The following TRMT11 variants were observed in gnomAD, a reference collection of about 807,000 sequenced individuals.
TRMT11 encodes the protein tRNA methyltransferase 11.
Under a neutral mutation model 62.8 loss-of-function variants are expected in TRMT11, and 53 were observed. That is an observed-to-expected ratio of 0.84 (90% CI 0.68 to 1.06). The LOEUF (loss-of-function observed/expected upper bound fraction) is 1.06. TRMT11 is among the 50% of genes least tolerant of loss of function. TRMT11 has a pLI of 0.00. For synonymous variants in TRMT11, 188 were observed against 190.3 expected (o/e 0.99, Z 0.10); for missense variants, 556 against 553.4 (o/e 1.00, Z -0.05).
intron 21 of TRMT11, among the ~76,000 whole-genome samples, chr6:126,117,211 G>A (rs560190841): frequency 6.6e-6 from 1 of 152,178 alleles, no homozygotes; most frequent in South Asian, 2.1e-4. Flanking sequence ...AGGCTCTACT[G>A]TGTATTCTAC....
chr6:126,216,545 A>C, the TRMT11 span, among the ~76,000 whole-genome samples: 1 of 152,112 alleles, frequency 6.6e-6, no homozygotes, highest in Non-Finnish European at 1.5e-5. Context: ...TTCCTTCAGC[A>C]CTTGAAATAT....
chr6:126,063,279 G>A lies in TRMT11; in HGVS notation c.*1437+10089G>A, dbSNP rs567174822. On this transcript the variant is annotated intron_variant and NMD_transcript_variant, in intron 17 of 22. Transcript: ENST00000648977. ...TTTGGTTCAAAATAAGGACTCAGTG[G>A]GCTTTGTGCATCAATTAATATGAGA... Among the ~76,000 whole-genome samples the A allele has an allele frequency of 4.1e-4, 62 of 152,202 alleles. No homozygotes were observed. The Middle Eastern group carries it at 0.01, about 25-fold the overall frequency.
the TRMT11 span, among the ~76,000 whole-genome samples, chr6:126,231,070 A>G: frequency 1.3e-3 from 196 of 152,304 alleles, 1 homozygote; most frequent in African/African-American, 4.5e-3. Flanking sequence ...AAAATGTATA[A>G]TAGGAGCTAG....
intron 21 of TRMT11, among the ~76,000 whole-genome samples, chr6:126,142,044 C>G (rs1026295853): frequency 6.6e-6 from 1 of 152,056 alleles, no homozygotes; most frequent in Non-Finnish European, 1.5e-5. Context: ...TTTTATACTT[C>G]CTTGCATTAT....
At chr6:126,085,812 C>T (rs1583870911) in intron 17 of TRMT11, among the ~76,000 whole-genome samples, 1 of 152,198 alleles carries the variant, frequency 6.6e-6, no homozygotes, top group South Asian at 2.1e-4. Flanking sequence ...AGAATTGAAT[C>T]CTAAAGAAAT....
the TRMT11 span, among the ~76,000 whole-genome samples, chr6:126,268,197 A>C: frequency 1.7e-4 from 26 of 152,326 alleles, no homozygotes; most frequent in East Asian, 5.0e-3. Context: ...GGAAACAAGA[A>C]GAAGGAGAAG....
At chr6:126,230,340 G>C in the TRMT11 span, among the ~76,000 whole-genome samples, 1 of 152,200 alleles carries the variant, frequency 6.6e-6, no homozygotes, top group Non-Finnish European at 1.5e-5. Flanking sequence ...GAGGGTTCAG[G>C]TGTTTCTCAT....
intron 21 of TRMT11, among the ~76,000 whole-genome samples, chr6:126,151,806 T>TTTCTTTC (rs1778045092): frequency 1.2e-4 from 10 of 86,878 alleles, no homozygotes; most frequent in Non-Finnish European, 1.6e-4. Context: ...CCTCTCTGTC[T>TTTCTTTC]TTTCTTTCTT....
At chr6:126,200,088 G>T (rs1307906066) in intron 3 of TRMT11, among the ~76,000 whole-genome samples, 1 of 152,202 alleles carries the variant, frequency 6.6e-6, no homozygotes, top group Non-Finnish European at 1.5e-5. Flanking sequence ...TAACCAACTT[G>T]TAAGGGCAGG....
chr6:126,069,986 C>T (rs144760995), intron 17 of TRMT11, among the ~76,000 whole-genome samples: 2 of 151,902 alleles, frequency 1.3e-5, no homozygotes, highest in African/African-American at 4.8e-5. Flanking sequence ...ACTGGTCTCC[C>T]GGGGAGGGTT....
In TRMT11 at chr6:126,115,473, C is replaced by T. The variant is rs1018429211; in HGVS notation, c.*1690C>T. ...GCTATTGCTTAGAGGAAAATTCAGT[C>T]ACCTGATATTTGAAGTTTAGGTAAT... On this transcript the variant is annotated 3_prime_UTR_variant and NMD_transcript_variant, in exon 20 of 23. Coordinates refer to the TRMT11 transcript ENST00000648977. Among the ~76,000 whole-genome samples the T allele has an allele frequency of 3.9e-5, 6 of 152,198 alleles. No individual in the cohort carries two copies. The East Asian group carries it at 1.2e-3, about 29-fold the overall frequency.
chr6:126,264,098 G>A, the TRMT11 span, among the ~76,000 whole-genome samples: 8 of 152,266 alleles, frequency 5.3e-5, no homozygotes, highest in African/African-American at 1.9e-4. Flanking sequence ...GTGCCTAGGT[G>A]TGGTTTTAGG....
chr6:126,041,188 A>T (rs116122017), downstream of TRMT11, among the ~76,000 whole-genome samples: 1,151 of 152,224 alleles, frequency 7.6e-3, 11 homozygotes, highest in African/African-American at 0.026. Context: ...AAAACAAAAA[A>T]CAACAACAAC....
At chr6:126,146,642 G>A (rs1030820137) in intron 21 of TRMT11, among the ~76,000 whole-genome samples, 5 of 151,780 alleles carry the variant, frequency 3.3e-5, no homozygotes, top group African/African-American at 9.7e-5. Context: ...CTCAGCTCCC[G>A]AGTAGCTGGG....
chr6:126,013,330 C>T (rs918877785), intron 11 of TRMT11, among the ~76,000 whole-genome samples: 11 of 152,082 alleles, frequency 7.2e-5, no homozygotes, highest in Non-Finnish European at 1.6e-4. Flanking sequence ...AATCGTGACT[C>T]ACTGCAGCGT....
At chr6:126,114,757 A>G (rs907167973) in intron 19 of TRMT11, among the ~76,000 whole-genome samples, 6 of 152,104 alleles carry the variant, frequency 3.9e-5, no homozygotes, top group African/African-American at 1.4e-4. Flanking sequence ...TATTCACTTA[A>G]CAAATATTTT....
At chr6:125,987,761 G>T (rs1789904758) in intron 1 of TRMT11, among the ~76,000 whole-genome samples, 1 of 152,218 alleles carries the variant, frequency 6.6e-6, no homozygotes, top group Admixed American at 6.5e-5. Context: ...CTCCTGGGGT[G>T]TATATAGGTA....
chr6:126,145,239 T>G (rs1490578195), intron 21 of TRMT11, among the ~76,000 whole-genome samples: 1 of 152,168 alleles, frequency 6.6e-6, no homozygotes, highest in Admixed American at 6.5e-5. Flanking sequence ...TTACATTAAG[T>G]GTGAATGAGC....
At chr6:126,117,287 T>A (rs766564665) in intron 21 of TRMT11, among the ~76,000 whole-genome samples, 91 of 152,160 alleles carry the variant, frequency 6.0e-4, no homozygotes, top group Admixed American at 1.7e-3. Flanking sequence ...CCAGAAAAAA[T>A]TTAGTTCTAG....
Sources: gnomAD v4.1 joint callset for allele counts (sites outside exome capture counted in the v4.1 genomes callset) on GRCh38, gnomAD v4.1.1 for gene constraint, MANE v1.5 for transcripts, NCBI Gene and HGNC (gene_info 2026-07-23, HGNC 2026-07-21) for gene names.